The following KIAA1549 variants were observed in gnomAD, a reference collection of about 807,000 sequenced individuals.
KIAA1549 encodes UPF0606 protein KIAA1549.
KIAA1549 carries 70 observed loss-of-function variants against 156.4 expected under a neutral mutation model. The observed-to-expected ratio is 0.45, with a 90% CI of 0.37 to 0.55. KIAA1549 has a LOEUF of 0.55. KIAA1549 is among the 20% of genes least tolerant of loss of function. The pLI is 0.00. For synonymous variants in KIAA1549, 1,103 were observed against 1,066.4 expected, an observed-to-expected ratio of 1.03 and a Z score of -0.67; for missense variants, 2,428 against 2,540.9, an observed-to-expected ratio of 0.96 and a Z score of 0.96.
At chr7:138,913,854 G>C (rs1454019707) in intron 2 of KIAA1549, among the ~76,000 whole-genome samples, 4 of 151,990 alleles carry the variant, frequency 2.6e-5, no homozygotes, top group Non-Finnish European at 5.9e-5. Flanking sequence ...GGAAGGAAAG[G>C]GGGAAGAGTG....
intron 1 of KIAA1549, among the ~76,000 whole-genome samples, chr7:138,939,874 T>G (rs1224693615): frequency 1.3e-5 from 2 of 152,092 alleles, no homozygotes; most frequent in African/African-American, 4.8e-5. Flanking sequence ...CAGCCGGGCG[T>G]GGTGGCTCAC....
In KIAA1549 at chr7:138,903,708, G is replaced by A. The variant is rs1038639399; in HGVS notation, c.3549C>T (p.Leu1183=). ...TVLLGVMEKQ[L]QNEVFQAEME... ...TCTCGGCTTGAAACACTTCATTCTG[G>A]AGTTGCTTCTCCATGACGCCCAGGA... The change falls in exon 8 of 20, where the codon CTC becomes CTT. Residue 1183 remains leucine, a synonymous_variant. Coordinates refer to ENST00000422774, the MANE Select transcript of KIAA1549 (RefSeq NM_001164665.2). 3 of 1,604,080 alleles carry A rather than the reference G, an allele frequency of 1.9e-6. No homozygotes were observed. The highest frequency in any genetic ancestry group is 2.7e-5 in the African/African-American group (2 of 74,646).
At chr7:138,908,741 G>A (rs949124944) in intron 5 of KIAA1549, among the ~76,000 whole-genome samples, 1 of 152,142 alleles carries the variant, frequency 6.6e-6, no homozygotes, top group African/African-American at 2.4e-5. Flanking sequence ...TGAATTTCCT[G>A]AATATGGTCA....
chr7:138,871,281 G>A lies in KIAA1549; in HGVS notation c.4427C>T (p.Pro1476Leu), dbSNP rs201971426. The A allele has an allele frequency of 2.2e-4, 349 of 1,610,030 alleles. 1 individual carries two copies. Among genetic ancestry groups the A allele is most frequent in the Middle Eastern group, 1.2e-3 (7 of 6,048 alleles). The change falls in exon 13 of 20, where the codon CCG becomes CTG. Residue 1476 changes from proline to leucine, a missense_variant. Pro to Leu is a moderately conservative substitution (Grantham distance 98, BLOSUM62 -3). This residue lies in a region of KIAA1549 where 404 missense variants were observed against 417.0 expected (regional missense o/e 0.97). Transcript: ENST00000422774. ...ACTGGGGACCCGCCGGCTAGCCTCC[G>A]GGGGGCGGGAGATCCTGTCCACGTG... ...FEHVDRISRP[P>L]EASRRVPSKI...
chr7:138,896,255 T>C (rs1180436027), intron 9 of KIAA1549, among the ~76,000 whole-genome samples: 1 of 152,216 alleles, frequency 6.6e-6, no homozygotes, highest in African/African-American at 2.4e-5. Context: ...ACACCTGCTA[T>C]GGGATCAAAA....
intron 12 of KIAA1549, among the ~76,000 whole-genome samples, chr7:138,872,028 G>A (rs563443274): frequency 1.4e-4 from 21 of 151,370 alleles, no homozygotes; most frequent in Non-Finnish European, 5.9e-5. Flanking sequence ...TCACTCTCTC[G>A]CCTAGGCTGG....
Position 138,894,532 on chromosome 7 carries a change from G to A in KIAA1549, c.3848-6C>T. The A allele has an allele frequency of 1.9e-6, 3 of 1,613,790 alleles. No individual in the cohort carries two copies. The highest frequency in any genetic ancestry group is 2.5e-6 in the Non-Finnish European group (3 of 1,179,716). On this transcript the variant is annotated splice_region_variant and splice_polypyrimidine_tract_variant and intron_variant, in intron 9 of 19. Coordinates refer to ENST00000422774, the MANE Select transcript of KIAA1549 (RefSeq NM_001164665.2). ...CCTCTTCACCCTGTCGACAGCTGCA[G>A]ACAAGGAAGAAAGGTCTTTCAATAA... is the stretch of plus-strand genomic sequence containing the variant.
intron 1 of KIAA1549, among the ~76,000 whole-genome samples, chr7:138,958,365 C>T (rs1379975076): frequency 2.6e-5 from 4 of 152,200 alleles, no homozygotes; most frequent in African/African-American, 4.8e-5. Context: ...GCTCTCTCCC[C>T]AAAATCTGAA....
chr7:138,883,011 G>A (rs1183578744), intron 10 of KIAA1549, among the ~76,000 whole-genome samples: 1 of 150,660 alleles, frequency 6.6e-6, no homozygotes, highest in Non-Finnish European at 1.5e-5. Context: ...CAGCATTTCG[G>A]GAGGCTGAAT....
intron 16 of KIAA1549, among the ~76,000 whole-genome samples, chr7:138,860,411 C>T (rs576688482): frequency 6.6e-6 from 1 of 151,870 alleles, no homozygotes; most frequent in South Asian, 2.1e-4. Flanking sequence ...ACAAGGTGGA[C>T]CCAGTATAAA....
intron 16 of KIAA1549, among the ~76,000 whole-genome samples, chr7:138,859,273 C>T (rs1315977530): frequency 1.3e-5 from 2 of 151,986 alleles, no homozygotes; most frequent in Non-Finnish European, 2.9e-5. Flanking sequence ...ACCCTTCCAG[C>T]CTCATTTACT....
chr7:138,855,128 A>G lies in KIAA1549; in HGVS notation c.5248-2859T>C, dbSNP rs114693565. Among the ~76,000 whole-genome samples the G allele has an allele frequency of 1.8e-3, 270 of 152,282 alleles. 4 individuals carry two copies. The highest frequency in any genetic ancestry group is 5.9e-3 in the African/African-American group (245 of 41,562). ...GAAGGGGAGGGAGGGGGAATCAGGAAAAGCCTGGAAGCAGAGAGAAGTAAC... is the reference window on the plus strand; with the variant it reads ...GAAGGGGAGGGAGGGGGAATCAGGAGAAGCCTGGAAGCAGAGAGAAGTAAC... On this transcript the variant is annotated intron_variant, in intron 16 of 19. Coordinates refer to ENST00000422774, the MANE Select transcript of KIAA1549 (RefSeq NM_001164665.2).
chr7:138,868,228 C>A, intron 14 of KIAA1549, 100 bp from the exon 15 acceptor site: 2 of 1,137,598 alleles, frequency 1.8e-6, no homozygotes, highest in Non-Finnish European at 2.5e-6. Context: ...GGATGTGCTA[C>A]CCCTGGAAAC....
In KIAA1549 at chr7:138,838,010, C is replaced by A; in HGVS notation, c.5749G>T (p.Asp1917Tyr). 1 of 1,611,678 alleles carries A rather than the reference C, an allele frequency of 6.2e-7. No homozygotes were observed. Among genetic ancestry groups the A allele is most frequent in the South Asian group, 1.1e-5 (1 of 90,322 alleles). ...GLGYPTSSTE[D>Y]LQPGHSSASL... is the part of the protein sequence containing the mutation. ...GCCGAGGAGTGGCCAGGCTGGAGGT[C>A]TTCCGTGGAGCTGGTGGGGTAACCC... The change falls in exon 20 of 20, where the codon GAC (aspartate) becomes TAC (tyrosine). Residue 1917 changes from aspartate (D) to tyrosine (Y), a missense_variant. Around this residue, in one of 5 missense-constraint regions of KIAA1549, gnomAD observed 363 missense variants for 354.0 expected, o/e 1.03. Coordinates refer to ENST00000422774, the MANE Select transcript of KIAA1549 (RefSeq NM_001164665.2).
intron 1 of KIAA1549, among the ~76,000 whole-genome samples, chr7:138,937,409 T>C (rs564106163): frequency 1.3e-5 from 2 of 152,318 alleles, no homozygotes; most frequent in South Asian, 4.1e-4. Flanking sequence ...CATTCATTCA[T>C]TCATGAGTCC....
intron 1 of KIAA1549, among the ~76,000 whole-genome samples, chr7:138,975,603 T>C (rs1233128023): frequency 6.6e-6 from 1 of 152,166 alleles, no homozygotes; most frequent in African/African-American, 2.4e-5. Context: ...TTGTCCATAG[T>C]CACAAAGTTA....
intron 12 of KIAA1549, among the ~76,000 whole-genome samples, 167 bp from the exon 13 acceptor site, chr7:138,871,529 T>C (rs1036724331): frequency 2.0e-5 from 3 of 150,478 alleles, no homozygotes; most frequent in Non-Finnish European, 2.9e-5. Flanking sequence ...TGAGCTTAAA[T>C]AGTCTGGGCT....
chr7:138,836,466 C>T lies in KIAA1549; in HGVS notation c.*1440G>A, dbSNP rs190884367. 6.2e-4 allele frequency: 132 copies of T among 214,264 alleles called. No individual in the cohort carries two copies. The highest frequency in any genetic ancestry group is 2.7e-3 in the African/African-American group (120 of 44,366). 13.3% of individuals were successfully genotyped at this position (214,264 alleles called of 1,614,324 possible). A position where few individuals can be genotyped will look rare whatever the true frequency, so the allele number is the denominator to read the frequency against. On this transcript the variant is annotated 3_prime_UTR_variant, in exon 20 of 20. Transcript: ENST00000422774. ...GCCTAATGACACATTTCTCAGAATGCATCCCCATCATTAAGCGATGCATGA... is the reference window on the plus strand; with the variant it reads ...GCCTAATGACACATTTCTCAGAATGTATCCCCATCATTAAGCGATGCATGA...
At chr7:138,905,439 C>T (rs79374990) in intron 6 of KIAA1549, among the ~76,000 whole-genome samples, 3,180 of 152,288 alleles carry the variant, frequency 0.021, 116 homozygotes, top group African/African-American at 0.073. Flanking sequence ...TGACCACATG[C>T]GTTGACCTGC....
Sources: allele counts gnomAD v4.1 joint callset (sites outside exome capture counted in the v4.1 genomes callset), GRCh38; gene constraint gnomAD v4.1.1; regional missense constraint gnomAD v4.1.1; transcripts MANE v1.5; gene names NCBI Gene and HGNC (gene_info 2026-07-23, HGNC 2026-07-21).